Variants in SPAG16 observed in about 807,000 individuals in gnomAD.
SPAG16 encodes the protein sperm associated antigen 16.
Under a neutral mutation model 80.4 loss-of-function variants are expected in SPAG16, and 86 were observed. The observed-to-expected ratio is 1.07, with a 90% CI of 0.90 to 1.28. The LOEUF is 1.28. SPAG16 is among the 50% of genes most tolerant of loss of function. SPAG16 has a pLI of 0.00. For missense variants in SPAG16, 870 were observed against 765.3 expected, an observed-to-expected ratio of 1.14 and a Z score of -1.61; for synonymous variants, 294 against 265.9, an observed-to-expected ratio of 1.11 and a Z score of -1.03.
At chr2:214,400,568 G>A (rs1701649456) in intron 15 of SPAG16, among the ~76,000 whole-genome samples, 1 of 151,968 alleles carries the variant, frequency 6.6e-6, no homozygotes, top group Admixed American at 6.6e-5. Context: ...TTTGGTATCT[G>A]TGGGTTGGGA....
rs1472828889 is a variant in SPAG16 at position 213,413,918 on chromosome 2, A to G, written c.942+38799A>G. ...ATTTCACAGTGCAAACAAAGTTATG[A>G]CAGATTGATCAGAAGCCCTGGGTCT... On this transcript the variant is annotated intron_variant, in intron 9 of 15. Transcript: ENST00000331683. 2.0e-5 allele frequency among the ~76,000 whole-genome samples: 3 copies of G among 152,184 alleles called. No individual in the cohort carries two copies. The East Asian group carries it at 5.8e-4, about 29-fold the overall frequency.
At chr2:213,722,495 G>T (rs2066573635) in intron 10 of SPAG16, among the ~76,000 whole-genome samples, 2 of 152,160 alleles carry the variant, frequency 1.3e-5, no homozygotes, top group South Asian at 4.1e-4. Context: ...AAGGGCACAT[G>T]CAGAGCACAG....
intron 9 of SPAG16, among the ~76,000 whole-genome samples, chr2:213,457,119 C>A (rs1473125911): frequency 6.6e-6 from 1 of 152,096 alleles, no homozygotes; most frequent in Non-Finnish European, 1.5e-5. Flanking sequence ...TTATGAAGTC[C>A]TCCACTTAAC....
intron 10 of SPAG16, among the ~76,000 whole-genome samples, chr2:213,773,067 GTCTT>G (rs1291374357): frequency 6.6e-6 from 1 of 150,924 alleles, no homozygotes; most frequent in Non-Finnish European, 1.5e-5. Context: ...TTATTTTAAA[GTCTT>G]TGATAATTTT....
intron 10 of SPAG16, among the ~76,000 whole-genome samples, chr2:213,502,871 T>C (rs1020755353): frequency 6.6e-6 from 1 of 152,226 alleles, no homozygotes; most frequent in African/African-American, 2.4e-5. Context: ...GTAGAGCTTA[T>C]GACAACATAG....
At chr2:213,472,747 C>T (rs1160783824) in intron 9 of SPAG16, among the ~76,000 whole-genome samples, 1 of 150,350 alleles carries the variant, frequency 6.7e-6, no homozygotes, top group Non-Finnish European at 1.5e-5. Context: ...CCATTAGTTA[C>T]CTGACCTCCA....
At chr2:213,955,330 A>G (rs2044065445) in intron 12 of SPAG16, among the ~76,000 whole-genome samples, 1 of 152,034 alleles carries the variant, frequency 6.6e-6, no homozygotes. Context: ...TAGGTCTATG[A>G]TCCATTTTGA....
At chr2:214,173,416 G>A (rs974356634) in intron 15 of SPAG16, among the ~76,000 whole-genome samples, 12 of 151,864 alleles carry the variant, frequency 7.9e-5, no homozygotes, top group African/African-American at 2.2e-4. Flanking sequence ...GTAGATATGC[G>A]GCGTTATTTC....
intron 10 of SPAG16, among the ~76,000 whole-genome samples, chr2:213,498,419 A>G (rs191465435): frequency 6.6e-6 from 1 of 152,272 alleles, no homozygotes; most frequent in Admixed American, 6.5e-5. Context: ...CCATGACTAG[A>G]GAATGATATT....
chr2:213,505,043 G>A (rs1192691445), intron 10 of SPAG16, among the ~76,000 whole-genome samples: 1 of 152,178 alleles, frequency 6.6e-6, no homozygotes, highest in African/African-American at 2.4e-5. Context: ...GAGCATTTAA[G>A]TACTGGCATT....
At chr2:213,542,773 T>C (rs1447580981) in intron 10 of SPAG16, among the ~76,000 whole-genome samples, 1 of 152,150 alleles carries the variant, frequency 6.6e-6, no homozygotes, top group Non-Finnish European at 1.5e-5. Flanking sequence ...AATTGTTGTT[T>C]TTTTAGTTTG....
chr2:213,559,775 A>C (rs1297501358), intron 10 of SPAG16, among the ~76,000 whole-genome samples: 1 of 152,128 alleles, frequency 6.6e-6, no homozygotes, highest in African/African-American at 2.4e-5. Flanking sequence ...AAAAATATAT[A>C]AATACATGTT....
intron 9 of SPAG16, among the ~76,000 whole-genome samples, chr2:213,381,858 C>T (rs184667705): frequency 1.4e-4 from 21 of 152,296 alleles, no homozygotes; most frequent in Middle Eastern, 3.4e-3. Context: ...TAGATGTATC[C>T]GCTGTACCAT....
intron 1 of SPAG16, chr2:213,284,829 A>G (rs1278010560): frequency 3.1e-6 from 2 of 653,912 alleles, no homozygotes; most frequent in Admixed American, 6.5e-5. Flanking sequence ...GGTGTCCTGT[A>G]CCTGTTAGAA....
At chr2:214,104,555 A>T (rs2053272593) in intron 13 of SPAG16, among the ~76,000 whole-genome samples, 2 of 151,958 alleles carry the variant, frequency 1.3e-5, no homozygotes. Flanking sequence ...CTTGTAGTAG[A>T]TAAGGGTTGG....
intron 9 of SPAG16, among the ~76,000 whole-genome samples, chr2:213,417,876 A>ATT (rs5838381): frequency 0.073 from 10,702 of 146,524 alleles, 1,253 homozygotes; most frequent in African/African-American, 0.25. Flanking sequence ...TTGTGTTTCA[A>ATT]TTTTTTTTTT....
intron 13 of SPAG16, among the ~76,000 whole-genome samples, chr2:214,051,129 T>C (rs1161354193): frequency 6.6e-6 from 1 of 152,220 alleles, no homozygotes; most frequent in Non-Finnish European, 1.5e-5. Context: ...TTTCTGGCAA[T>C]TTAGTATTAC....
rs775904727 is a variant in SPAG16, at chr2:213,356,414, G to A, written c.762+5769G>A. On this transcript the variant is annotated intron_variant, in intron 7 of 15. Coordinates refer to ENST00000331683, the MANE Select transcript of SPAG16 (RefSeq NM_024532.5). ...GGTTGGTAGGTTATTAATTATTGCC[G>A]CAATTTCAGAGCCTGTGATTGGTCA... 1.3e-4 allele frequency among the ~76,000 whole-genome samples: 20 copies of A among 152,130 alleles called. No homozygotes were observed. The East Asian group carries it at 1.7e-3, about 13-fold the overall frequency.
In SPAG16 at chr2:213,350,507, TA is replaced by T. The variant is rs762185735; in HGVS notation, c.645-20del. On this transcript the variant is annotated intron_variant, in intron 6 of 15. Transcript: ENST00000331683. ...TTAACTCAATAACCCCTTAAGATGC[TA>T]TTGACTTTATTTTTTATAGGTTGAA... 1 of 1,347,996 alleles carries T rather than the reference TA, an allele frequency of 7.4e-7. No homozygotes were observed. Among genetic ancestry groups the T allele is most frequent in the South Asian group, 1.4e-5 (1 of 72,326 alleles). The allele number at this position is 1,347,996 out of a possible 1,614,324, so 83.5% of individuals were successfully genotyped here. A position where few individuals can be genotyped will look rare whatever the true frequency, so the allele number is the denominator to read the frequency against.
Sources: gnomAD v4.1 joint callset for allele counts (sites outside exome capture counted in the v4.1 genomes callset) on GRCh38, gnomAD v4.1.1 for gene constraint, MANE v1.5 for transcripts, NCBI Gene and HGNC (gene_info 2026-07-23, HGNC 2026-07-21) for gene names.